The following FAM149B1 variants were observed in gnomAD, a reference collection of about 807,000 sequenced individuals.
FAM149B1 encodes the protein family with sequence similarity 149 member B1, also known as primary cilium assembly protein FAM149B1.
FAM149B1 carries 56 observed loss-of-function variants against 75.3 expected under a neutral mutation model. The observed-to-expected ratio is 0.74, with a 90% CI of 0.60 to 0.93. The LOEUF is 0.93. Among genes scored for constraint, FAM149B1 ranks in the 40% least tolerant of loss-of-function variants. The pLI is 0.00. For synonymous variants in FAM149B1, 259 were observed against 256.1 expected (o/e 1.01, Z -0.11); for missense variants, 639 against 708.4 (o/e 0.90, Z 1.11).
At chr10:73,205,898 G>A (rs1218519282) in intron 5 of FAM149B1, among the ~76,000 whole-genome samples, 1 of 152,126 alleles carries the variant, frequency 6.6e-6, no homozygotes, top group African/African-American at 2.4e-5. Context: ...ACAGAACACT[G>A]GTACCAAGGA....
chr10:73,239,169 G>A (rs565379591), intron 12 of FAM149B1, 143 bp from the exon 13 acceptor site: 2 of 609,088 alleles, frequency 3.3e-6, no homozygotes. Context: ...ATTCAACCCA[G>A]TGCACTCAGC....
chr10:73,235,439 T>C lies in FAM149B1; in HGVS notation c.1602+121T>C. 3.4e-6 allele frequency: 5 copies of C among 1,464,808 alleles called. No homozygotes were observed. In the South Asian group the frequency reaches 7.2e-5, roughly 21 times the overall value. 90.7% of individuals were successfully genotyped at this position (1,464,808 alleles called of 1,614,324 possible). ...CTTAACCCAGAATAAAAGTTGAGTT[T>C]CCAACAATAAAAAGTGTTATAAATA... On this transcript the variant is annotated intron_variant, in intron 12 of 13. Coordinates refer to ENST00000242505, the MANE Select transcript of FAM149B1 (RefSeq NM_173348.2).
chr10:73,237,006 C>T (rs2043837900), intron 12 of FAM149B1, among the ~76,000 whole-genome samples: 1 of 151,984 alleles, frequency 6.6e-6, no homozygotes, highest in Non-Finnish European at 1.5e-5. Flanking sequence ...GAGCCACATG[C>T]CCAGCCTGCC....
chr10:73,225,620 A>G (rs1476174879), intron 7 of FAM149B1, among the ~76,000 whole-genome samples: 1 of 152,166 alleles, frequency 6.6e-6, no homozygotes, highest in Non-Finnish European at 1.5e-5. Context: ...TTTTTGAAGA[A>G]ATTTTTAAAA....
intron 2 of FAM149B1, 92 bp from the exon 3 acceptor site, chr10:73,177,754 C>A: frequency 4.6e-6 from 5 of 1,088,778 alleles, no homozygotes; most frequent in African/African-American, 4.4e-5. Flanking sequence ...TGTTAATCAC[C>A]TAGTAAGTTG....
Position 73,239,346 on chromosome 10 carries a change from A to G in FAM149B1, c.1637A>G (p.Glu546Gly). 1 of 1,551,680 alleles carries G rather than the reference A, an allele frequency of 6.4e-7. No homozygotes were observed. The highest frequency in any genetic ancestry group is 8.7e-7 in the Non-Finnish European group (1 of 1,146,980). ...CAGTATCGTCGCTCATGTGCAGTTG[A>G]GTATCCTCATCAGGCCCGACCTGGC... ...DTQYRRSCAVEYPHQARPGRG... is the reference protein window; with the variant it reads ...DTQYRRSCAVGYPHQARPGRG... Residue 546 changes from glutamate to glycine, a missense_variant, in exon 13 of 14, where the codon GAG becomes GGG. Physicochemically the swap from Glu to Gly is moderately conservative, Grantham distance 98. Coordinates refer to ENST00000242505, the MANE Select transcript of FAM149B1 (RefSeq NM_173348.2).
rs1293564190 is a variant in FAM149B1, at chr10:73,192,663, G to A, written c.390G>A (p.Glu130=). The A allele has an allele frequency of 2.6e-6, 4 of 1,549,860 alleles. No homozygotes were observed. The Admixed American group carries it at 6.0e-5, about 23-fold the overall frequency. The change falls in exon 4 of 14, where the codon GAG becomes GAA. Residue 130 remains glutamate, a synonymous_variant. Coordinates refer to ENST00000242505, the MANE Select transcript of FAM149B1 (RefSeq NM_173348.2). ...LSVHTKSLQE[E]CQQWTASFPH... is the part of the protein sequence containing the mutation. ...TGCATACCAAGAGTCTACAAGAAGA[G>A]TGCCAACAGTGGACAGCTAGCTTTC...
At chr10:73,189,473 A>G (rs1407541726) in intron 3 of FAM149B1, among the ~76,000 whole-genome samples, 4 of 152,230 alleles carry the variant, frequency 2.6e-5, no homozygotes, top group African/African-American at 9.6e-5. Flanking sequence ...AACAATATAA[A>G]CAAATACTGA....
In FAM149B1 at chr10:73,207,661, AG is replaced by A. The variant is rs1398161444; in HGVS notation, c.543-954del. 3.3e-5 allele frequency among the ~76,000 whole-genome samples: 5 copies of A among 152,340 alleles called. No individual in the cohort carries two copies. The East Asian group carries it at 7.7e-4, about 24-fold the overall frequency. On this transcript the variant is annotated intron_variant, in intron 5 of 13. Coordinates refer to ENST00000242505, the MANE Select transcript of FAM149B1 (RefSeq NM_173348.2). ...TGGGAGCTGAACCCTGCAAAGCCACAGGGGTAGAGCTGCCCAGGGTCTTGGA... is the reference window on the plus strand; with the variant it reads ...TGGGAGCTGAACCCTGCAAAGCCACAGGGTAGAGCTGCCCAGGGTCTTGGA...
At chr10:73,222,189 C>T (rs1181173019) in intron 7 of FAM149B1, among the ~76,000 whole-genome samples, 1 of 152,102 alleles carries the variant, frequency 6.6e-6, no homozygotes, top group Non-Finnish European at 1.5e-5. Context: ...TTTTCTTGAG[C>T]TTTGTTCTGA....
intron 3 of FAM149B1, among the ~76,000 whole-genome samples, chr10:73,185,490 A>G (rs932931733): frequency 6.6e-6 from 1 of 152,206 alleles, no homozygotes; most frequent in African/African-American, 2.4e-5. Flanking sequence ...TCAAGGCTGC[A>G]GTGAGCCATG....
chr10:73,235,854 G>C (rs1166368511), intron 12 of FAM149B1, among the ~76,000 whole-genome samples: 2 of 152,048 alleles, frequency 1.3e-5, no homozygotes, highest in Non-Finnish European at 2.9e-5. Context: ...CTTTCTACTG[G>C]TGTTTTAAAT....
intron 7 of FAM149B1, among the ~76,000 whole-genome samples, chr10:73,218,376 T>C (rs2043340694): frequency 6.6e-6 from 1 of 152,226 alleles, no homozygotes; most frequent in South Asian, 2.1e-4. Flanking sequence ...CCAGTAGAAC[T>C]TTGGGGGTCT....
Position 73,168,355 on chromosome 10 carries a change from A to G in FAM149B1, c.16A>G (p.Thr6Ala). 6.5e-7 allele frequency: 1 copy of G among 1,549,884 alleles called. No individual in the cohort carries two copies. The highest frequency in any genetic ancestry group is 1.2e-5 in the South Asian group (1 of 83,982). Residue 6 changes from threonine (T) to alanine (A), a missense_variant, in exon 1 of 14, where the codon ACT becomes GCT. Physicochemically the swap from Thr to Ala is moderately conservative, Grantham distance 58. Coordinates refer to ENST00000242505, the MANE Select transcript of FAM149B1 (RefSeq NM_173348.2). Reference sequence around the variant, plus strand: ...GAGGAGGAGGATGATCTCCAGATACACTCGGAAGGCGGTGCCACAGAGCTT... The same window carrying G: ...GAGGAGGAGGATGATCTCCAGATACGCTCGGAAGGCGGTGCCACAGAGCTT... MISRY[T>A]RKAVPQSLEL...
chr10:73,184,556 A>T (rs930981247), intron 3 of FAM149B1, among the ~76,000 whole-genome samples: 2 of 152,236 alleles, frequency 1.3e-5, no homozygotes, highest in Non-Finnish European at 2.9e-5. Context: ...AACTATAAAA[A>T]GATTTAAATT....
chr10:73,210,216 CA>C (rs1439045452), intron 6 of FAM149B1, 34 bp from the exon 7 acceptor site: 18 of 1,445,314 alleles, frequency 1.2e-5, no homozygotes, highest in Admixed American at 2.1e-5. Context: ...TTCCCTTCAG[CA>C]TCATGAAGTC....
chr10:73,195,260 T>C (rs1045271321), intron 5 of FAM149B1, among the ~76,000 whole-genome samples: 1 of 152,216 alleles, frequency 6.6e-6, no homozygotes, highest in Non-Finnish European at 1.5e-5. Context: ...AAGTGAAACA[T>C]TACTGTTAGG....
At chr10:73,205,182 C>A (rs2043028552) in intron 5 of FAM149B1, among the ~76,000 whole-genome samples, 1 of 151,802 alleles carries the variant, frequency 6.6e-6, no homozygotes, top group South Asian at 2.1e-4. Context: ...TTGCCTAAAT[C>A]TCATGTAGAA....
At position 73,242,971 on chromosome 10, in the gene FAM149B1, A is replaced by C. The variant is rs1040603501; in HGVS notation, c.*1952A>C. 1 of 167,026 alleles carries C rather than the reference A, an allele frequency of 6.0e-6. No individual in the cohort carries two copies. The highest frequency in any genetic ancestry group is 2.4e-5 in the African/African-American group (1 of 41,596). 10.3% of individuals were successfully genotyped at this position (167,026 alleles called of 1,614,324 possible). On this transcript the variant is annotated 3_prime_UTR_variant, in exon 14 of 14. Coordinates refer to ENST00000242505, the MANE Select transcript of FAM149B1 (RefSeq NM_173348.2). Reference sequence around the variant, plus strand: ...TCAAGATCATTAAGACCAAATGTAAACTGGGAAGTATGTGGAAGATAGCTG... The same window carrying C: ...TCAAGATCATTAAGACCAAATGTAACCTGGGAAGTATGTGGAAGATAGCTG...
Sources: gnomAD v4.1 joint callset for allele counts (sites outside exome capture counted in the v4.1 genomes callset) on GRCh38, gnomAD v4.1.1 for gene constraint, MANE v1.5 for transcripts, NCBI Gene and HGNC (gene_info 2026-07-23, HGNC 2026-07-21) for gene names.